Variants in KDM4C observed in about 807,000 individuals in gnomAD.
KDM4C encodes lysine-specific demethylase 4C.
A neutral mutation model predicts 129.3 loss-of-function variants in KDM4C; 81 were observed. That is an observed-to-expected ratio of 0.63 (90% CI 0.52 to 0.75). The LOEUF is 0.75. Ranked by LOEUF, KDM4C falls within the 30% of genes least tolerant of loss-of-function variation. The pLI is 0.00. For missense variants in KDM4C, 1,457 were observed against 1,304.0 expected (o/e 1.12, Z -1.81); for synonymous variants, 573 against 456.1 (o/e 1.26, Z -3.26).
intron 4 of KDM4C, among the ~76,000 whole-genome samples, chr9:6,844,781 G>A (rs1248706346): frequency 1.3e-5 from 2 of 152,080 alleles, no homozygotes; most frequent in Non-Finnish European, 1.5e-5. Flanking sequence ...TCTGCCTCCC[G>A]GGTTCAAGTG....
chr9:7,049,718 C>T (rs1375155401), intron 17 of KDM4C, among the ~76,000 whole-genome samples: 1 of 152,180 alleles, frequency 6.6e-6, no homozygotes, highest in East Asian at 1.9e-4. Context: ...CTGGCTTGTT[C>T]AGAAACTGTG....
chr9:6,964,539 C>T (rs972541205), intron 8 of KDM4C, among the ~76,000 whole-genome samples: 1 of 151,978 alleles, frequency 6.6e-6, no homozygotes, highest in Admixed American at 6.6e-5. Context: ...TGAATAGTGC[C>T]ACAGTAAACA....
chr9:6,976,521 TA>T (rs1239077615), intron 8 of KDM4C, among the ~76,000 whole-genome samples: 1 of 152,240 alleles, frequency 6.6e-6, no homozygotes, highest in East Asian at 1.9e-4. Flanking sequence ...TTTTGCATTT[TA>T]AAGTTTTATA....
At chr9:7,014,861 A>G (rs558405832) in intron 14 of KDM4C, among the ~76,000 whole-genome samples, 1 of 151,828 alleles carries the variant, frequency 6.6e-6, no homozygotes, top group East Asian at 1.9e-4. Flanking sequence ...TTTAAATGCT[A>G]TCTGCTTGAA....
At chr9:6,817,128 G>A (rs1379979715) in intron 4 of KDM4C, among the ~76,000 whole-genome samples, 1 of 146,554 alleles carries the variant, frequency 6.8e-6, no homozygotes, top group Non-Finnish European at 1.5e-5. Context: ...GTTGGGATTT[G>A]TTTTTCAGTT....
chr9:7,124,421 C>T (rs1839825328), intron 18 of KDM4C, among the ~76,000 whole-genome samples: 1 of 152,102 alleles, frequency 6.6e-6, no homozygotes. Flanking sequence ...TCTGTGGCCA[C>T]ACAGGTTGTG....
At chr9:7,042,993 TG>T (rs1395104785) in intron 15 of KDM4C, among the ~76,000 whole-genome samples, 1 of 152,072 alleles carries the variant, frequency 6.6e-6, no homozygotes, top group Non-Finnish European at 1.5e-5. Context: ...TCTATAGTTG[TG>T]CAAAGTCTAA....
At chr9:7,119,211 A>G (rs1008725610) in intron 18 of KDM4C, among the ~76,000 whole-genome samples, 7 of 152,162 alleles carry the variant, frequency 4.6e-5, no homozygotes, top group Non-Finnish European at 1.5e-5. Context: ...TAGTGACAGT[A>G]TATACAAGCA....
chr9:6,729,455 T>C (rs1817252427), intron 1 of KDM4C, among the ~76,000 whole-genome samples: 1 of 124,996 alleles, frequency 8.0e-6, no homozygotes, highest in Non-Finnish European at 1.6e-5. Flanking sequence ...GTGGGAGGAC[T>C]GCTTGAGCCC....
chr9:6,983,810 A>G (rs1172087561), intron 9 of KDM4C, among the ~76,000 whole-genome samples: 1 of 152,018 alleles, frequency 6.6e-6, no homozygotes, highest in Non-Finnish European at 1.5e-5. Context: ...TTCATTTTCT[A>G]AATATTTTAT....
chr9:7,148,606 A>T (rs1842435771), intron 19 of KDM4C, among the ~76,000 whole-genome samples: 1 of 152,212 alleles, frequency 6.6e-6, no homozygotes, highest in Non-Finnish European at 1.5e-5. Flanking sequence ...GGAACGTGTT[A>T]CAACCCATTT....
intron 9 of KDM4C, chr9:6,982,155 A>G (rs1172360335): frequency 6.6e-6 from 1 of 151,858 alleles, no homozygotes; most frequent in East Asian, 1.9e-4. Flanking sequence ...CTTTTTTGAT[A>G]TTAACTAAGT....
At chr9:6,896,088 T>C (rs1816384982) in intron 8 of KDM4C, among the ~76,000 whole-genome samples, 1 of 152,204 alleles carries the variant, frequency 6.6e-6, no homozygotes, top group Non-Finnish European at 1.5e-5. Flanking sequence ...CCCTGGCAAA[T>C]TTGTGCACTG....
At chr9:6,912,309 C>T (rs1759381282) in intron 8 of KDM4C, among the ~76,000 whole-genome samples, 1 of 152,172 alleles carries the variant, frequency 6.6e-6, no homozygotes, top group Non-Finnish European at 1.5e-5. Context: ...TTCTTGCAGT[C>T]AGGACCCTTA....
chr9:7,013,914 G>A lies in KDM4C; in HGVS notation c.2095G>A (p.Glu699Lys). 1 of 1,613,900 alleles carries A rather than the reference G, an allele frequency of 6.2e-7. No homozygotes were observed. Among genetic ancestry groups the A allele is most frequent in the South Asian group, 1.1e-5 (1 of 91,078 alleles). ...MCFIYSEENI[E>K]YSPPNAFLEE... ...TTTTATTTATAGTGAAGAAAATATA[G>A]AATATTCTCCACCCAATGCCTTCCT... Residue 699 changes from glutamate to lysine, a missense_variant, in exon 14 of 22, where the codon GAA (glutamate) becomes AAA (lysine). Transcript: ENST00000381309.
At chr9:7,022,178 A>G (rs571783764) in intron 15 of KDM4C, among the ~76,000 whole-genome samples, 2 of 151,900 alleles carry the variant, frequency 1.3e-5, no homozygotes, top group Admixed American at 6.6e-5. Flanking sequence ...TTTTTTTTCT[A>G]TTTCTGTGAA....
chr9:7,055,981 G>A lies in KDM4C; in HGVS notation c.2424+6781G>A, dbSNP rs373597146. On this transcript the variant is annotated intron_variant, in intron 17 of 21. Coordinates refer to ENST00000381309, the MANE Select transcript of KDM4C (RefSeq NM_015061.6). ...ATGCTAAAAGAAAAGAAGTAGTGTCGTAAAGGCAATCAGAAAAAGTCAGTA... is the reference window on the plus strand; with the variant it reads ...ATGCTAAAAGAAAAGAAGTAGTGTCATAAAGGCAATCAGAAAAAGTCAGTA... Among the ~76,000 whole-genome samples, 43 of 152,266 alleles carry A rather than the reference G, an allele frequency of 2.8e-4. No homozygotes were observed. The East Asian group carries it at 5.6e-3, about 20-fold the overall frequency.
chr9:7,024,527 C>A (rs1037770002), intron 15 of KDM4C, among the ~76,000 whole-genome samples: 12 of 150,874 alleles, frequency 8.0e-5, no homozygotes, highest in Admixed American at 4.6e-4. Context: ...TGTTCCCCTT[C>A]CTGTGTCCAT....
chr9:6,940,551 A>C (rs62533840), intron 8 of KDM4C, among the ~76,000 whole-genome samples: 5 of 152,084 alleles, frequency 3.3e-5, no homozygotes, highest in African/African-American at 1.2e-4. Context: ...GAATATTAAA[A>C]ATTTAAAATC....
Sources: allele counts gnomAD v4.1 joint callset (sites outside exome capture counted in the v4.1 genomes callset), GRCh38; gene constraint gnomAD v4.1.1; transcripts MANE v1.5; gene names NCBI Gene and HGNC (gene_info 2026-07-23, HGNC 2026-07-21).